The following ANKMY1 variants were observed in gnomAD, a reference collection of about 807,000 sequenced individuals.
The protein encoded by ANKMY1 is ankyrin repeat and MYND domain containing 1, also known as ankyrin repeat and MYND domain-containing protein 1.
A neutral mutation model predicts 102.0 loss-of-function variants in ANKMY1; 98 were observed. The observed-to-expected ratio is 0.96, with a 90% CI of 0.82 to 1.14. The LOEUF (loss-of-function observed/expected upper bound fraction) is 1.14, where lower values mean the gene tolerates loss of function less well. Ranked by LOEUF, ANKMY1 falls within the 50% of genes most tolerant of loss-of-function variation. ANKMY1 has a pLI of 0.00. For synonymous variants in ANKMY1, 582 were observed against 559.9 expected, an observed-to-expected ratio of 1.04 and a Z score of -0.56; for missense variants, 1,330 against 1,347.6, an observed-to-expected ratio of 0.99 and a Z score of 0.20.
intron 3 of ANKMY1, chr2:240,554,118 C>T (rs1034303501): frequency 1.3e-5 from 2 of 152,258 alleles, no homozygotes; most frequent in African/African-American, 4.8e-5. Flanking sequence ...ATGCCCTCTC[C>T]CTACAGAGAG....
intron 12 of ANKMY1, chr2:240,507,901 A>C: frequency 6.3e-6 from 3 of 478,434 alleles, no homozygotes; most frequent in Non-Finnish European, 7.0e-6. Context: ...GAGGGGTCCC[A>C]TGGCTGGTCT....
intron 4 of ANKMY1, among the ~76,000 whole-genome samples, chr2:240,544,421 C>T (rs374868271): frequency 8.5e-5 from 13 of 152,170 alleles, no homozygotes; most frequent in Non-Finnish European, 1.3e-4. Context: ...GTAAAATATT[C>T]TTTAAAACCT....
chr2:240,501,261 G>A (rs1340280308), intron 13 of ANKMY1, among the ~76,000 whole-genome samples: 1 of 152,096 alleles, frequency 6.6e-6, no homozygotes, highest in Non-Finnish European at 1.5e-5. Context: ...TATGAGTAAG[G>A]GCATGCATGT....
chr2:240,488,114 T>TA (rs1413174362), intron 15 of ANKMY1, among the ~76,000 whole-genome samples: 1 of 152,204 alleles, frequency 6.6e-6, no homozygotes, highest in Non-Finnish European at 1.5e-5. Flanking sequence ...GTCTTGTGTT[T>TA]AAGTCTTTAG....
At position 240,507,610 on chromosome 2, in the gene ANKMY1, A is replaced by C. The variant is rs2079322815; in HGVS notation, c.2476T>G (p.Cys826Gly). Reference protein sequence around the residue: ...KGLGSALCVACDLTYEHQRNM... With the variant: ...KGLGSALCVAGDLTYEHQRNM... ...CTCTGGTGCTCGTAGGTCAGGTCAC[A>C]GGCAACACACAGGGCACTGCCCAAG... The change falls in exon 13 of 18, where the codon TGT (cysteine) becomes GGT (glycine). Residue 826 changes from cysteine (C) to glycine (G), a missense_variant. By Grantham distance (159) the Cys-to-Gly change is radical (BLOSUM62 -3). Coordinates refer to ENST00000401804, the MANE Select transcript of ANKMY1 (RefSeq NM_001282771.3). The C allele has an allele frequency of 3.7e-6, 6 of 1,611,404 alleles. No individual in the cohort carries two copies. The highest frequency in any genetic ancestry group is 5.1e-6 in the Non-Finnish European group (6 of 1,178,788).
chr2:240,535,732 T>G (rs1462916074), intron 4 of ANKMY1, among the ~76,000 whole-genome samples: 1 of 152,116 alleles, frequency 6.6e-6, no homozygotes. Flanking sequence ...CTAGACCCCT[T>G]AGGTAGGAAT....
upstream of ANKMY1, chr2:240,560,375 C>A: frequency 3.8e-6 from 1 of 260,434 alleles, no homozygotes; most frequent in Non-Finnish European, 7.2e-6. Context: ...AAGCCCAGTG[C>A]CACAGGCCGC....
At chr2:240,558,132 C>T (rs2092619025), upstream of ANKMY1, 1 of 277,966 alleles carries the variant, frequency 3.6e-6, no homozygotes, top group Non-Finnish European at 5.5e-6. Context: ...GGGGCCGACA[C>T]CCCGCGGGCC....
intron 13 of ANKMY1, among the ~76,000 whole-genome samples, chr2:240,505,499 T>C (rs948109648): frequency 2.7e-5 from 4 of 150,730 alleles, no homozygotes; most frequent in African/African-American, 9.8e-5. Context: ...GATTATACCA[T>C]AGGACCCAGC....
At chr2:240,527,064 G>A (rs1456235075) in intron 5 of ANKMY1, 4 of 934,798 alleles carry the variant, frequency 4.3e-6, no homozygotes, top group Non-Finnish European at 5.1e-6. Flanking sequence ...TGTTGCATGA[G>A]TGAATTGATG....
intron 4 of ANKMY1, among the ~76,000 whole-genome samples, chr2:240,530,385 C>T (rs972238184): frequency 4.6e-5 from 7 of 152,186 alleles, no homozygotes; most frequent in Non-Finnish European, 4.4e-5. Flanking sequence ...AACGGTTCAG[C>T]ACCGTGCCCT....
chr2:240,538,872 C>T (rs577291742), intron 4 of ANKMY1, among the ~76,000 whole-genome samples: 8 of 152,156 alleles, frequency 5.3e-5, no homozygotes, highest in African/African-American at 1.9e-4. Context: ...TGTGGATGCA[C>T]CAATCAGTAC....
intron 4 of ANKMY1, among the ~76,000 whole-genome samples, chr2:240,543,065 A>T (rs1268821344): frequency 6.6e-6 from 1 of 151,996 alleles, no homozygotes; most frequent in Non-Finnish European, 1.5e-5. Context: ...TATAGGTAAA[A>T]TAGGCTGGGC....
rs981040229 is a variant in ANKMY1 at position 240,506,427 on chromosome 2, C to A, written c.2526+1133G>T. 3.9e-5 allele frequency among the ~76,000 whole-genome samples: 6 copies of A among 152,206 alleles called. No individual in the cohort carries two copies. Among genetic ancestry groups the A allele is most frequent in the Non-Finnish European group, 8.8e-5 (6 of 68,042 alleles). On this transcript the variant is annotated intron_variant, in intron 13 of 17. Coordinates refer to ENST00000401804, the MANE Select transcript of ANKMY1 (RefSeq NM_001282771.3). The surrounding 1 kb of genome is among the most constrained non-coding windows in gnomAD (Gnocchi z 4.9). Reference sequence around the variant, plus strand: ...TCCATCCTCTGCCGCCTATGGAAAACTGACTTCTGCGTCCTCACTTAGTCT... The same window carrying A: ...TCCATCCTCTGCCGCCTATGGAAAAATGACTTCTGCGTCCTCACTTAGTCT...
chr2:240,526,048 C>T, intron 6 of ANKMY1, 181 bp downstream of exon 6: 2 of 959,294 alleles, frequency 2.1e-6, no homozygotes, highest in Non-Finnish European at 3.1e-6. Flanking sequence ...CTGCACTGGA[C>T]CACGAGTGTC....
chr2:240,539,819 C>A (rs1248186598), intron 4 of ANKMY1, among the ~76,000 whole-genome samples: 2 of 152,168 alleles, frequency 1.3e-5, no homozygotes, highest in African/African-American at 4.8e-5. Flanking sequence ...ACTGAATGGA[C>A]CCCTCCTGGC....
Position 240,548,132 on chromosome 2 carries a change from G to A in ANKMY1, c.480+4782C>T, listed in dbSNP as rs368876643. Reference sequence around the variant, plus strand: ...ATCCTCAATAAAATACTGCCAAACCGAATCCAGCAGCACATCAAAAAGCTT... The same window carrying A: ...ATCCTCAATAAAATACTGCCAAACCAAATCCAGCAGCACATCAAAAAGCTT... On this transcript the variant is annotated intron_variant, in intron 4 of 17. Transcript: ENST00000401804. 9.2e-5 allele frequency among the ~76,000 whole-genome samples: 14 copies of A among 152,158 alleles called. No homozygotes were observed. The South Asian group carries it at 1.7e-3, about 18-fold the overall frequency.
intron 8 of ANKMY1, among the ~76,000 whole-genome samples, chr2:240,521,530 C>A (rs544417746): frequency 8.7e-6 from 1 of 115,342 alleles, no homozygotes; most frequent in Admixed American, 1.2e-4. Context: ...GAGACAGTCT[C>A]GCCCTGTCGC....
chr2:240,525,630 G>A lies in ANKMY1; in HGVS notation c.1335+55C>T, dbSNP rs1180195141. On this transcript the variant is annotated intron_variant, in intron 7 of 17. Transcript: ENST00000401804. ...AGGAGGCTTGGTGGACATTTACAGA[G>A]ACAGAGAAGACTACAGGAGACAGTT... The A allele has an allele frequency of 9.5e-6, 15 of 1,575,578 alleles. No individual in the cohort carries two copies. In the East Asian group the frequency reaches 3.4e-4, roughly 36 times the overall value.
Sources: gnomAD v4.1 joint callset for allele counts (sites outside exome capture counted in the v4.1 genomes callset) on GRCh38, gnomAD v4.1.1 for gene constraint, Gnocchi (gnomAD v3.1) non-coding constraint, MANE v1.5 for transcripts, NCBI Gene and HGNC (gene_info 2026-07-23, HGNC 2026-07-21) for gene names.